Variants in TBX1 observed in about 807,000 individuals in gnomAD.
TBX1 encodes T-box transcription factor 1.
In TBX1, 16 loss-of-function variants were observed where a neutral mutation model predicts 40.8. That is an observed-to-expected ratio of 0.39 (90% CI 0.27 to 0.60). The LOEUF is 0.60. Among genes scored for constraint, TBX1 ranks in the 20% least tolerant of loss-of-function variants. TBX1 has a pLI of 0.51. For synonymous variants in TBX1, 403 were observed against 336.8 expected (o/e 1.20, Z -2.15); for missense variants, 755 against 728.5 (o/e 1.04, Z -0.42).
downstream of TBX1, chr22:19,782,840 T>A: frequency 6.2e-7 from 1 of 1,613,092 alleles, no homozygotes; most frequent in Non-Finnish European, 8.5e-7. Flanking sequence ...AAGCCTTATT[T>A]GATAAAGGCC....
intron 8 of TBX1, among the ~76,000 whole-genome samples, chr22:19,776,991 C>T (rs991149119): frequency 2.6e-4 from 40 of 152,058 alleles, no homozygotes; most frequent in African/African-American, 5.8e-4. Context: ...TCCTGGGTAA[C>T]GCTCAATCCC....
At chr22:19,778,445 T>C (rs1354902808) in intron 8 of TBX1, among the ~76,000 whole-genome samples, 2 of 150,492 alleles carry the variant, frequency 1.3e-5, no homozygotes, top group African/African-American at 4.9e-5. Flanking sequence ...TCTTCTTTTT[T>C]TTTTTTGAGA....
chr22:19,758,903 C>T (rs1441123141), upstream of TBX1, among the ~76,000 whole-genome samples: 1 of 152,226 alleles, frequency 6.6e-6, no homozygotes, highest in East Asian at 1.9e-4. Context: ...TCCTGTCCTG[C>T]TGCGCCAAGG....
At chr22:19,764,412 C>T in intron 3 of TBX1, 86 bp downstream of exon 3, 3 of 1,545,892 alleles carry the variant, frequency 1.9e-6, no homozygotes, top group Non-Finnish European at 2.7e-6. Context: ...CCTGTAGAAT[C>T]CCCAGGCCCC....
rs918788695 is a variant in TBX1, at chr22:19,766,530, C to T, written c.1178C>T (p.Pro393Leu). 2.2e-6 allele frequency: 3 copies of T among 1,341,666 alleles called. No individual in the cohort carries two copies. The highest frequency in any genetic ancestry group is 2.9e-6 in the Non-Finnish European group (3 of 1,051,218). The allele number at this position is 1,341,666 out of a possible 1,614,324, so 83.1% of individuals were successfully genotyped here. A position where few individuals can be genotyped will look rare whatever the true frequency, so the allele number is the denominator to read the frequency against. Residue 393 changes from proline (P) to leucine (L), a missense_variant, in exon 7 of 7, where the codon CCG (proline) becomes CTG (leucine). Pro to Leu is a moderately conservative substitution (Grantham distance 98). Coordinates refer to ENST00000649276, the MANE Select transcript of TBX1 (RefSeq NM_001379200.1). ...PGAGGAGGLV[P>L]LPGAPGGRPS... Reference sequence around the variant, plus strand: ...GCCGGCGGCGCCGGCGGCTTAGTCCCGCTGCCCGGCGCGCCCGGAGGCCGG... The same window carrying T: ...GCCGGCGGCGCCGGCGGCTTAGTCCTGCTGCCCGGCGCGCCCGGAGGCCGG...
downstream of TBX1, chr22:19,783,162 C>G: frequency 1.5e-6 from 1 of 689,238 alleles, no homozygotes; most frequent in South Asian, 1.5e-5. Context: ...ACTGCTCAGC[C>G]CAGCCTCTCC....
intron 1 of TBX1, among the ~76,000 whole-genome samples, chr22:19,762,991 G>A (rs1321250814): frequency 1.3e-5 from 2 of 152,212 alleles, no homozygotes; most frequent in African/African-American, 4.8e-5. Flanking sequence ...GGGCTCCAGC[G>A]CTGGGCTGGC....
chr22:19,765,708 G>A (rs1486636357), intron 4 of TBX1, 50 bp from the exon 5 acceptor site: 1 of 1,603,464 alleles, frequency 6.2e-7, no homozygotes, highest in African/African-American at 1.3e-5. Context: ...GAGGTCGGGT[G>A]GCCCAGGCTG....
rs1936640808 is a variant in TBX1, at chr22:19,761,031, C to A, written c.188C>A (p.Ala63Asp). Residue 63 changes from alanine (A) to aspartate (D), a missense_variant, in exon 1 of 7, where the codon GCC becomes GAC. This residue lies in a region of TBX1 where 199 missense variants were observed against 173.0 expected (regional missense o/e 1.15). Coordinates refer to ENST00000649276, the MANE Select transcript of TBX1 (RefSeq NM_001379200.1). Reference sequence around the variant, plus strand: ...CCGCCGCCGCGCTACGACCCGTGCGCCGCCGCCGCCCCCGGCGCCCCGGGC... The same window carrying A: ...CCGCCGCCGCGCTACGACCCGTGCGACGCCGCCGCCCCCGGCGCCCCGGGC... ...PPPPPRYDPC[A>D]AAAPGAPGPP... The A allele has an allele frequency of 3.4e-6, 3 of 890,222 alleles. No homozygotes were observed. Among genetic ancestry groups the A allele is most frequent in the East Asian group, 1.2e-4 (1 of 8,070 alleles). The allele number at this position is 890,222 out of a possible 1,614,324, so 55.1% of individuals were successfully genotyped here.
Position 19,766,963 on chromosome 22 carries a change from C to T in TBX1, c.*96C>T, listed in dbSNP as rs528896157. On this transcript the variant is annotated 3_prime_UTR_variant, in exon 7 of 7. Coordinates refer to ENST00000649276, the MANE Select transcript of TBX1 (RefSeq NM_001379200.1). Reference sequence around the variant, plus strand: ...CCAAGGGCAAGCAAGGAATACGTTCCCCCAGCCCCAGGGGCCACCGCGGCT... The same window carrying T: ...CCAAGGGCAAGCAAGGAATACGTTCTCCCAGCCCCAGGGGCCACCGCGGCT... 25 of 1,496,482 alleles carry T rather than the reference C, an allele frequency of 1.7e-5. No individual in the cohort carries two copies. The Admixed American group carries it at 2.0e-4, about 12-fold the overall frequency. 92.7% of individuals were successfully genotyped at this position (1,496,482 alleles called of 1,614,324 possible).
At position 19,766,452 on chromosome 22, in the gene TBX1, C is replaced by G. The variant is rs1381767156; in HGVS notation, c.1100C>G (p.Pro367Arg). 3 of 1,333,398 alleles carry G rather than the reference C, an allele frequency of 2.2e-6. No homozygotes were observed. Among genetic ancestry groups the G allele is most frequent in the South Asian group, 3.5e-5 (2 of 56,624 alleles). 82.6% of individuals were successfully genotyped at this position (1,333,398 alleles called of 1,614,324 possible). ...GGCGGGCCAGCAGTGCTCGGGGACC[C>G]GGCGCATCCTCCGCAGCTGCTGGCC... is the stretch of plus-strand genomic sequence containing the variant. Reference protein sequence around the residue: ...DAGGPAVLGDPAHPPQLLARV... With the variant: ...DAGGPAVLGDRAHPPQLLARV... The change falls in exon 7 of 7, where the codon CCG becomes CGG. Residue 367 changes from proline (P) to arginine (R), a missense_variant. Transcript: ENST00000649276.
chr22:19,781,482 C>T (rs943770924), downstream of TBX1, among the ~76,000 whole-genome samples: 14 of 152,152 alleles, frequency 9.2e-5, no homozygotes, highest in African/African-American at 1.9e-4. Flanking sequence ...GATTTTCTCT[C>T]AGTCTGTGGG....
chr22:19,757,444 C>T (rs1298967731), upstream of TBX1, among the ~76,000 whole-genome samples: 1 of 152,172 alleles, frequency 6.6e-6, no homozygotes, highest in Non-Finnish European at 1.5e-5. Context: ...TTCACTTCTC[C>T]CTCCTCAATG....
chr22:19,772,989 G>A (rs987174187), intron 8 of TBX1, among the ~76,000 whole-genome samples: 2 of 152,178 alleles, frequency 1.3e-5, no homozygotes, highest in Non-Finnish European at 2.9e-5. Context: ...TCCTGCACCC[G>A]AGTGCTGCTG....
At chr22:19,764,061 C>A (rs1936753415) in intron 2 of TBX1, 94 bp from the exon 3 acceptor site, 1 of 1,444,988 alleles carries the variant, frequency 6.9e-7, no homozygotes, top group Non-Finnish European at 9.5e-7. Flanking sequence ...GGTGGGGAAA[C>A]TTCTCAAAGG....
chr22:19,767,999 A>G (rs556863507), downstream of TBX1, among the ~76,000 whole-genome samples: 4 of 152,186 alleles, frequency 2.6e-5, no homozygotes, highest in South Asian at 6.2e-4. Flanking sequence ...TGTATGAAGC[A>G]TTTTTCCCAG....
chr22:19,772,141 C>T (rs1355744321), downstream of TBX1, among the ~76,000 whole-genome samples: 4 of 152,094 alleles, frequency 2.6e-5, no homozygotes, highest in South Asian at 2.1e-4. Flanking sequence ...CTTGCTCTGT[C>T]GCCCAGGCTG....
At chr22:19,773,209 A>G (rs1268353235) in intron 8 of TBX1, among the ~76,000 whole-genome samples, 1 of 152,234 alleles carries the variant, frequency 6.6e-6, no homozygotes. Context: ...AAGCAGCTTT[A>G]TTAAGATGCA....
downstream of TBX1, among the ~76,000 whole-genome samples, chr22:19,768,684 G>C (rs920327098): frequency 2.0e-5 from 3 of 152,174 alleles, no homozygotes; most frequent in Non-Finnish European, 2.9e-5. Context: ...CAGCCATTCC[G>C]TACTCCACAT....
Sources: allele counts gnomAD v4.1 joint callset (sites outside exome capture counted in the v4.1 genomes callset), GRCh38; gene constraint gnomAD v4.1.1; regional missense constraint gnomAD v4.1.1; transcripts MANE v1.5; gene names NCBI Gene and HGNC (gene_info 2026-07-23, HGNC 2026-07-21).